The following CPAMD8 variants were observed in gnomAD, a reference collection of about 807,000 sequenced individuals.
The protein encoded by CPAMD8 is C3 and PZP like alpha-2-macroglobulin domain containing 8, also known as C3 and PZP-like alpha-2-macroglobulin domain-containing protein 8.
In CPAMD8, 146 loss-of-function variants were observed where a neutral mutation model predicts 224.7. That is an observed-to-expected ratio of 0.65 (90% CI 0.57 to 0.75). The LOEUF (loss-of-function observed/expected upper bound fraction) is 0.75, where lower values mean the gene tolerates loss of function less well. Ranked by LOEUF, CPAMD8 falls within the 30% of genes least tolerant of loss-of-function variation. The probability of loss-of-function intolerance (pLI) is 0.00; values close to 1 mark genes in which losing one functional copy is unlikely to be tolerated. For synonymous variants in CPAMD8, 966 were observed against 1,044.6 expected, an observed-to-expected ratio of 0.92 and a Z score of 1.45; for missense variants, 2,301 against 2,537.5, an observed-to-expected ratio of 0.91 and a Z score of 2.00.
chr19:17,008,277 G>A (rs1182711170), intron 7 of CPAMD8, among the ~76,000 whole-genome samples: 1 of 152,198 alleles, frequency 6.6e-6, no homozygotes, highest in Non-Finnish European at 1.5e-5. Flanking sequence ...GTGGGCAGAG[G>A]GTCCAAATCC....
intron 9 of CPAMD8, among the ~76,000 whole-genome samples, chr19:17,001,470 C>T (rs915562712): frequency 1.0e-5 from 1 of 97,784 alleles, no homozygotes; most frequent in Admixed American, 8.7e-5. Context: ...GGGTCACACC[C>T]TGGGGGGTAG....
intron 18 of CPAMD8, among the ~76,000 whole-genome samples, chr19:16,964,897 T>C (rs550838957): frequency 1.5e-4 from 23 of 152,132 alleles, no homozygotes; most frequent in Middle Eastern, 6.8e-3. Context: ...CGTACACAAA[T>C]CAATAAACGA....
intron 27 of CPAMD8, among the ~76,000 whole-genome samples, chr19:16,916,441 G>A (rs1260004658): frequency 6.6e-6 from 1 of 151,912 alleles, no homozygotes; most frequent in East Asian, 1.9e-4. Context: ...TAGTAGAGAC[G>A]GGGTTTCACC....
At chr19:17,018,817 G>A (rs978004095) in intron 3 of CPAMD8, among the ~76,000 whole-genome samples, 2 of 150,964 alleles carry the variant, frequency 1.3e-5, no homozygotes, top group East Asian at 2.0e-4. Flanking sequence ...GCTGGGGCAC[G>A]AGAATCGCTT....
chr19:16,962,060 A>G (rs1215115293), intron 18 of CPAMD8, among the ~76,000 whole-genome samples: 2 of 152,246 alleles, frequency 1.3e-5, no homozygotes, highest in Non-Finnish European at 2.9e-5. Flanking sequence ...GACCAAAGGT[A>G]GATAAAACCA....
chr19:17,002,940 GT>G (rs1199326357), intron 8 of CPAMD8, among the ~76,000 whole-genome samples: 1 of 139,498 alleles, frequency 7.2e-6, no homozygotes, highest in African/African-American at 2.8e-5. Flanking sequence ...TTGTCACTGT[GT>G]TTCCCAGGTT....
chr19:16,899,595 T>A lies in CPAMD8; in HGVS notation c.4774-46A>T. On this transcript the variant is annotated intron_variant, in intron 36 of 41. Transcript: ENST00000443236. The surrounding 1 kb of genome is among the most constrained non-coding windows in gnomAD (Gnocchi z 5.4). ...CAGGGTCCTCAGACTCTCTACTTGC[T>A]TCCTCTCCCATCCCCTGGGGGCAGT... 1 of 905,686 alleles carries A rather than the reference T, an allele frequency of 1.1e-6. No individual in the cohort carries two copies. Among genetic ancestry groups the A allele is most frequent in the Non-Finnish European group, 1.9e-6 (1 of 534,636 alleles). 56.1% of individuals were successfully genotyped at this position (905,686 alleles called of 1,614,324 possible).
rs576587707 is a variant in CPAMD8, at chr19:16,967,853, G to A, written c.2213+3038C>T. 0.013 allele frequency among the ~76,000 whole-genome samples: 57 copies of A among 4,228 alleles called. No individual in the cohort carries two copies. In the South Asian group the frequency reaches 0.18, roughly 13 times the overall value. The allele number at this position is 4,228 out of a possible 152,430, so 2.8% of individuals were successfully genotyped here. On this transcript the variant is annotated intron_variant, in intron 18 of 41. Coordinates refer to ENST00000443236, the MANE Select transcript of CPAMD8 (RefSeq NM_015692.5). ...TGTATATATATACACACATATGTGCGTGTATATACTTGTATATATGTGCAT... is the reference window on the plus strand; with the variant it reads ...TGTATATATATACACACATATGTGCATGTATATACTTGTATATATGTGCAT...
intron 1 of CPAMD8, among the ~76,000 whole-genome samples, chr19:17,022,656 G>A (rs891644519): frequency 4.6e-5 from 7 of 151,964 alleles, no homozygotes; most frequent in African/African-American, 9.7e-5. Context: ...CTGCCACCAC[G>A]GCCGGCTAAT....
intron 29 of CPAMD8, among the ~76,000 whole-genome samples, chr19:16,912,252 A>C (rs898356561): frequency 6.6e-6 from 1 of 152,220 alleles, no homozygotes; most frequent in Non-Finnish European, 1.5e-5. Flanking sequence ...CCCTTGTGCC[A>C]AAAAGGTTGG....
chr19:16,925,762 T>G (rs1423796749), intron 25 of CPAMD8, among the ~76,000 whole-genome samples: 1 of 151,950 alleles, frequency 6.6e-6, no homozygotes, highest in Non-Finnish European at 1.5e-5. Flanking sequence ...TAAAATATTT[T>G]TTTTTTTTTG....
At chr19:17,017,743 G>A (rs1209313316) in intron 3 of CPAMD8, among the ~76,000 whole-genome samples, 1 of 152,148 alleles carries the variant, frequency 6.6e-6, no homozygotes, top group East Asian at 1.9e-4. Context: ...CAAATGTAAT[G>A]GAGGGGCCAG....
At chr19:16,927,241 C>T (rs2053395875) in intron 25 of CPAMD8, among the ~76,000 whole-genome samples, 2 of 151,984 alleles carry the variant, frequency 1.3e-5, no homozygotes, top group Non-Finnish European at 2.9e-5. Context: ...GGGCGGCTTC[C>T]CCATACTGTT....
chr19:17,007,060 C>T (rs142988679), intron 7 of CPAMD8, among the ~76,000 whole-genome samples: 130 of 152,226 alleles, frequency 8.5e-4, no homozygotes, highest in Middle Eastern at 3.4e-3. Flanking sequence ...AGGCCAGGCA[C>T]GGTGGCTCAT....
intron 32 of CPAMD8, 50 bp downstream of exon 32, chr19:16,904,176 A>ACGCCCCCCCC: frequency 1.1e-6 from 1 of 937,340 alleles, no homozygotes; most frequent in Non-Finnish European, 1.7e-6. Flanking sequence ...GACTGCAGGG[A>ACGCCCCCCCC]CCCCACCCAC....
intron 23 of CPAMD8, among the ~76,000 whole-genome samples, chr19:16,937,721 C>T (rs1348411384): frequency 6.8e-5 from 10 of 147,846 alleles, no homozygotes; most frequent in East Asian, 3.9e-4. Flanking sequence ...GGCGTGATCT[C>T]GGCTCACTGC....
chr19:16,934,731 T>G (rs2053636914), intron 23 of CPAMD8, among the ~76,000 whole-genome samples: 1 of 152,192 alleles, frequency 6.6e-6, no homozygotes, highest in Non-Finnish European at 1.5e-5. Context: ...GGAGATGCTT[T>G]TCCTTCTACC....
chr19:16,903,947 A>G, intron 32 of CPAMD8, 90 bp from the exon 33 acceptor site: 1 of 1,325,398 alleles, frequency 7.5e-7, no homozygotes, highest in Non-Finnish European at 1.1e-6. Flanking sequence ...AGCCTAAAAC[A>G]GGCACCAACG....
intron 13 of CPAMD8, among the ~76,000 whole-genome samples, chr19:16,989,037 A>C (rs1403553639): frequency 6.6e-6 from 1 of 152,142 alleles, no homozygotes; most frequent in East Asian, 1.9e-4. Context: ...CACCACCCCC[A>C]GACGGGACTG....
Sources: gnomAD v4.1 joint callset for allele counts (sites outside exome capture counted in the v4.1 genomes callset) on GRCh38, gnomAD v4.1.1 for gene constraint, Gnocchi (gnomAD v3.1) non-coding constraint, MANE v1.5 for transcripts, NCBI Gene and HGNC (gene_info 2026-07-23, HGNC 2026-07-21) for gene names.